The following PTPN13 variants were observed in gnomAD, a reference collection of about 807,000 sequenced individuals.
PTPN13 encodes protein tyrosine phosphatase non-receptor type 13, also known as tyrosine-protein phosphatase non-receptor type 13.
In PTPN13, 191 loss-of-function variants were observed where a neutral mutation model predicts 284.0. The ratio of observed to expected loss-of-function variants is 0.67; its 90% CI spans 0.60 to 0.76. The LOEUF is 0.76. Ranked by LOEUF, PTPN13 falls within the 30% of genes least tolerant of loss-of-function variation. The pLI is 0.00. For synonymous variants in PTPN13, 986 were observed against 1,022.3 expected (o/e 0.96, Z 0.68); for missense variants, 2,797 against 2,939.9 (o/e 0.95, Z 1.12).
intron 3 of PTPN13, among the ~76,000 whole-genome samples, chr4:86,678,740 C>T (rs906507470): frequency 5.9e-5 from 9 of 152,126 alleles, no homozygotes; most frequent in Non-Finnish European, 1.2e-4. Context: ...TTTCATTCAC[C>T]TCTGGCCCCA....
intron 15 of PTPN13, among the ~76,000 whole-genome samples, chr4:86,741,251 A>G (rs1288779488): frequency 2.0e-5 from 3 of 152,334 alleles, no homozygotes; most frequent in African/African-American, 7.2e-5. Context: ...ACTGCTGATA[A>G]AGACATACCT....
chr4:86,628,455 T>C (rs185034282), intron 1 of PTPN13, among the ~76,000 whole-genome samples: 63 of 152,022 alleles, frequency 4.1e-4, no homozygotes, highest in African/African-American at 1.4e-3. Flanking sequence ...TTATCAGTTA[T>C]ATGATTTGCA....
rs1201412958 is a variant in PTPN13, at chr4:86,767,924, A to G, written c.4437A>G (p.Pro1479=). The change falls in exon 28 of 48, where the codon CCA becomes CCG. Residue 1479 remains proline, a synonymous_variant. Coordinates refer to ENST00000411767, the MANE Select transcript of PTPN13 (RefSeq NM_080683.3). The part of the protein sequence containing the change: ...LSDQNAQGQG[P]EKVKKTTQVK... ...ATCAGAATGCCCAAGGTCAAGGCCCAGAAAAAGTGAAGAAAACAACTCAGG... is the reference window on the plus strand; with the variant it reads ...ATCAGAATGCCCAAGGTCAAGGCCCGGAAAAAGTGAAGAAAACAACTCAGG... The G allele has an allele frequency of 6.2e-7, 1 of 1,610,788 alleles. No homozygotes were observed. Among genetic ancestry groups the G allele is most frequent in the Non-Finnish European group, 8.5e-7 (1 of 1,178,454 alleles).
intron 17 of PTPN13, among the ~76,000 whole-genome samples, chr4:86,750,002 A>G (rs1737207062): frequency 1.3e-5 from 2 of 152,212 alleles, no homozygotes; most frequent in South Asian, 4.1e-4. Context: ...CTGTCTGGGC[A>G]AAACCCCTCT....
intron 1 of PTPN13, among the ~76,000 whole-genome samples, chr4:86,623,882 A>G (rs1010166014): frequency 6.6e-6 from 1 of 152,122 alleles, no homozygotes; most frequent in South Asian, 2.1e-4. Flanking sequence ...ATTTTCCTCC[A>G]TCACATTTAT....
chr4:86,806,338 A>G (rs775826238), intron 44 of PTPN13, among the ~76,000 whole-genome samples: 9 of 152,132 alleles, frequency 5.9e-5, no homozygotes, highest in Non-Finnish European at 1.2e-4. Context: ...TTGGATTATA[A>G]CATATGACAC....
At chr4:86,797,252 G>A (rs996230248) in intron 41 of PTPN13, among the ~76,000 whole-genome samples, 5 of 152,036 alleles carry the variant, frequency 3.3e-5, no homozygotes, top group Non-Finnish European at 7.4e-5. Context: ...AGCACTTTGG[G>A]TGGCTGAGAT....
intron 5 of PTPN13, among the ~76,000 whole-genome samples, chr4:86,692,538 C>A (rs1166490573): frequency 6.6e-6 from 1 of 152,092 alleles, no homozygotes; most frequent in Admixed American, 6.6e-5. Context: ...TAAGTAATTT[C>A]TCTTCACCAT....
intron 17 of PTPN13, among the ~76,000 whole-genome samples, chr4:86,748,821 A>G (rs1737070564): frequency 6.6e-6 from 1 of 151,842 alleles, no homozygotes; most frequent in Admixed American, 6.6e-5. Context: ...ACGCCCAGCT[A>G]ATTTTTTGTA....
At chr4:86,791,825 C>T (rs1310776560) in intron 40 of PTPN13, among the ~76,000 whole-genome samples, 1 of 152,168 alleles carries the variant, frequency 6.6e-6, no homozygotes, top group Non-Finnish European at 1.5e-5. Flanking sequence ...ACAAAAAGGA[C>T]ATCCACACCA....
In PTPN13 at chr4:86,785,293, C is replaced by T. The variant is rs1741764912; in HGVS notation, c.6181C>T (p.Leu2061=). The part of the protein sequence containing the change: ...DSQEAEVIQS[L]LDVVDEEAQN... Reference sequence around the variant, plus strand: ...CCAAGAAGCTGAAGTTATCCAGTCTCTGCTGGATGTTGTGGATGAGGAAGC... The same window carrying T: ...CCAAGAAGCTGAAGTTATCCAGTCTTTGCTGGATGTTGTGGATGAGGAAGC... Residue 2061 remains leucine (L), a synonymous_variant, in exon 39 of 48, where the codon CTG becomes TTG. Coordinates refer to ENST00000411767, the MANE Select transcript of PTPN13 (RefSeq NM_080683.3). 6.2e-7 allele frequency: 1 copy of T among 1,603,000 alleles called. No individual in the cohort carries two copies. Among genetic ancestry groups the T allele is most frequent in the Non-Finnish European group, 8.5e-7 (1 of 1,170,954 alleles).
intron 2 of PTPN13, among the ~76,000 whole-genome samples, chr4:86,636,611 G>C (rs1235621899): frequency 6.6e-6 from 1 of 152,074 alleles, no homozygotes; most frequent in Non-Finnish European, 1.5e-5. Flanking sequence ...CAGAAATAAA[G>C]ATGTTCTTTG....
intron 2 of PTPN13, among the ~76,000 whole-genome samples, chr4:86,670,011 C>T (rs949862659): frequency 5.3e-5 from 8 of 151,016 alleles, no homozygotes; most frequent in African/African-American, 1.7e-4. Flanking sequence ...CAGTAGTGAG[C>T]GAAAGAAGTG....
At chr4:86,782,447 A>G (rs972117952) in intron 37 of PTPN13, among the ~76,000 whole-genome samples, 185 bp downstream of exon 37, 1 of 152,244 alleles carries the variant, frequency 6.6e-6, no homozygotes, top group Non-Finnish European at 1.5e-5. Context: ...ATAGAGCCTC[A>G]CATAGGTAAC....
At chr4:86,689,701 CT>C in intron 5 of PTPN13, 1 of 702,458 alleles carries the variant, frequency 1.4e-6, no homozygotes, top group Non-Finnish European at 2.6e-6. Flanking sequence ...GCTTGTATCC[CT>C]GCCAGATTTC....
chr4:86,694,170 A>G (rs889943785), intron 6 of PTPN13, among the ~76,000 whole-genome samples: 5 of 152,006 alleles, frequency 3.3e-5, no homozygotes, highest in Non-Finnish European at 5.9e-5. Flanking sequence ...ACCTTAGGTC[A>G]TGTGATACTT....
intron 9 of PTPN13, among the ~76,000 whole-genome samples, chr4:86,718,505 C>T (rs1733273578): frequency 6.7e-6 from 1 of 149,242 alleles, no homozygotes; most frequent in Non-Finnish European, 1.5e-5. Context: ...GACTGTAATG[C>T]AGTGGCGCTA....
At chr4:86,752,820 A>G (rs1019101259) in intron 19 of PTPN13, among the ~76,000 whole-genome samples, 189 bp from the exon 20 acceptor site, 1 of 152,156 alleles carries the variant, frequency 6.6e-6, no homozygotes, top group African/African-American at 2.4e-5. Flanking sequence ...ATGCTGCAAA[A>G]TAAGTTATTA....
intron 6 of PTPN13, among the ~76,000 whole-genome samples, chr4:86,698,533 AC>A (rs981994282): frequency 2.3e-4 from 35 of 152,154 alleles, no homozygotes; most frequent in Admixed American, 6.5e-4. Flanking sequence ...AAATTCTAAA[AC>A]TGACACCTAA....
Sources: gnomAD v4.1 joint callset for allele counts (sites outside exome capture counted in the v4.1 genomes callset) on GRCh38, gnomAD v4.1.1 for gene constraint, MANE v1.5 for transcripts, NCBI Gene and HGNC (gene_info 2026-07-23, HGNC 2026-07-21) for gene names.